The following KNDC1 variants were observed in gnomAD, a reference collection of about 807,000 sequenced individuals.
The protein encoded by KNDC1 is kinase non-catalytic C-lobe domain-containing protein 1.
In KNDC1, 106 loss-of-function variants were observed where a neutral mutation model predicts 172.8. That is an observed-to-expected ratio of 0.61 (90% CI 0.52 to 0.72). KNDC1 has a LOEUF of 0.72. Among genes scored for constraint, KNDC1 ranks in the 30% least tolerant of loss-of-function variants. KNDC1 has a pLI of 0.00. For missense variants in KNDC1, 2,325 were observed against 2,394.5 expected (o/e 0.97, Z 0.61); for synonymous variants, 1,083 against 1,062.2 (o/e 1.02, Z -0.38).
At chr10:133,220,871 G>T (rs535921457) in intron 29 of KNDC1, among the ~76,000 whole-genome samples, 2 of 151,924 alleles carry the variant, frequency 1.3e-5, no homozygotes, top group African/African-American at 2.4e-5. Context: ...TCAGATGGGC[G>T]CATGCCCAGG....
chr10:133,190,962 A>G (rs1295752598), intron 9 of KNDC1, among the ~76,000 whole-genome samples: 1 of 152,226 alleles, frequency 6.6e-6, no homozygotes, highest in Non-Finnish European at 1.5e-5. Flanking sequence ...AGGAACGAAA[A>G]TCGCTGGGAA....
intron 12 of KNDC1, among the ~76,000 whole-genome samples, chr10:133,198,109 G>A (rs1462325780): frequency 6.6e-6 from 1 of 152,142 alleles, no homozygotes; most frequent in Non-Finnish European, 1.5e-5. Context: ...GGCTTCTGGT[G>A]GGGCCTGGTC....
At chr10:133,191,160 G>A (rs1429747528) in intron 9 of KNDC1, among the ~76,000 whole-genome samples, 6 of 152,108 alleles carry the variant, frequency 3.9e-5, no homozygotes, top group Non-Finnish European at 5.9e-5. Context: ...GCAACATGGC[G>A]AAACCCCATC....
intron 3 of KNDC1, among the ~76,000 whole-genome samples, chr10:133,182,176 G>A (rs1006299258): frequency 2.0e-5 from 3 of 152,176 alleles, no homozygotes; most frequent in Non-Finnish European, 4.4e-5. Context: ...GGCTTTCTGT[G>A]AAGACTGGAT....
At position 133,186,541 on chromosome 10, in the gene KNDC1, CT is replaced by C; in HGVS notation, c.1195del (p.Ser399HisfsTer124). On this transcript the variant is annotated frameshift_variant, in exon 6 of 30. Coordinates refer to ENST00000304613, the MANE Select transcript of KNDC1 (RefSeq NM_152643.8). LOFTEE classifies it high-confidence loss of function. Reference sequence around the variant, plus strand: ...CCCGGCAGTCCAGGACAGCCCGAGACTTCACACCCCAGCCAGGGGCCAGCAG... The same window carrying C: ...CCCGGCAGTCCAGGACAGCCCGAGACTCACACCCCAGCCAGGGGCCAGCAG... ...GVPGSPGQPETSHPSQGPAEA... is the reference protein window; with the variant it reads ...GVPGSPGQPEXSHPSQGPAEA... 4 of 1,611,694 alleles carry C rather than the reference CT, an allele frequency of 2.5e-6. No homozygotes were observed. Among genetic ancestry groups the C allele is most frequent in the Non-Finnish European group, 3.4e-6 (4 of 1,179,882 alleles).
At chr10:133,196,741 GC>G (rs1589758076) in intron 10 of KNDC1, among the ~76,000 whole-genome samples, 1 of 152,190 alleles carries the variant, frequency 6.6e-6, no homozygotes, top group East Asian at 1.9e-4. Flanking sequence ...GTGGCCGGGG[GC>G]AGGGAGCGTG....
chr10:133,172,408 A>G (rs2135954595), intron 3 of KNDC1, among the ~76,000 whole-genome samples: 1 of 152,346 alleles, frequency 6.6e-6, no homozygotes, highest in African/African-American at 2.4e-5. Context: ...CTTACATAGA[A>G]AAACCTAAAT....
At chr10:133,183,322 T>C in intron 3 of KNDC1, 22 bp from the exon 4 acceptor site, 1 of 1,575,760 alleles carries the variant, frequency 6.3e-7, no homozygotes, top group South Asian at 1.1e-5. Context: ...ACTCTGGAGC[T>C]GACAGCCTGT....
At chr10:133,205,276 T>C (rs1408401419) in intron 17 of KNDC1, among the ~76,000 whole-genome samples, 1 of 152,140 alleles carries the variant, frequency 6.6e-6, no homozygotes, top group East Asian at 1.9e-4. Context: ...TCTCCCTGAA[T>C]GTAGAGTCCC....
rs191002915 is a variant in KNDC1 at position 133,183,285 on chromosome 10, C to T, written c.361-59C>T. ...GCTCCTGGCCCGGAGAAGTGCTGGC[C>T]GCGGTCGGGGTGGCGCACACGCAGA... On this transcript the variant is annotated intron_variant, in intron 3 of 29. Transcript: ENST00000304613. 1,994 of 1,491,428 alleles carry T rather than the reference C, an allele frequency of 1.3e-3. 24 individuals are homozygous for T. The African/African-American group carries it at 0.024, about 18-fold the overall frequency. 92.4% of individuals were successfully genotyped at this position (1,491,428 alleles called of 1,614,324 possible).
intron 12 of KNDC1, 39 bp from the exon 13 acceptor site, chr10:133,198,298 A>G (rs1589759257): frequency 3.3e-6 from 5 of 1,509,834 alleles, no homozygotes; most frequent in Non-Finnish European, 1.8e-6. Context: ...TGCTGGGGCC[A>G]CTCCGCCCGC....
intron 17 of KNDC1, among the ~76,000 whole-genome samples, chr10:133,203,035 G>C (rs1199849555): frequency 6.8e-6 from 1 of 148,002 alleles, no homozygotes; most frequent in East Asian, 2.0e-4. Flanking sequence ...CCAAACGCAT[G>C]GCGTCCAGCG....
Position 133,225,853 on chromosome 10 carries a change from C to G in KNDC1, c.*963C>G, listed in dbSNP as rs1047696440. 1 of 152,464 alleles carries G rather than the reference C, an allele frequency of 6.6e-6. No individual in the cohort carries two copies. Among genetic ancestry groups the G allele is most frequent in the African/African-American group, 2.4e-5 (1 of 41,466 alleles). 9.4% of individuals were successfully genotyped at this position (152,464 alleles called of 1,614,324 possible). The stretch of plus-strand genomic sequence containing the variant: ...CTTGCCCTTGCTCAGGTTCTTGGAC[C>G]CCAGGCAGCTGGTGTGGAGCCCCTT... On this transcript the variant is annotated 3_prime_UTR_variant, in exon 30 of 30. Transcript: ENST00000304613.
At chr10:133,181,535 G>A (rs544390770) in intron 3 of KNDC1, among the ~76,000 whole-genome samples, 34 of 152,332 alleles carry the variant, frequency 2.2e-4, no homozygotes, top group East Asian at 1.2e-3. Flanking sequence ...GCCAGCGGCC[G>A]GGGGCCTGGC....
At chr10:133,201,471 T>G (rs771410661) in intron 16 of KNDC1, 30 bp from the exon 17 acceptor site, 1 of 1,559,762 alleles carries the variant, frequency 6.4e-7, no homozygotes, top group Non-Finnish European at 8.6e-7. Context: ...GGAGCCACTG[T>G]CCACGTAACC....
At chr10:133,201,972 G>A (rs1334973824) in intron 17 of KNDC1, 74 bp downstream of exon 17, 9 of 1,456,980 alleles carry the variant, frequency 6.2e-6, no homozygotes, top group Non-Finnish European at 1.9e-6. Context: ...GTCACTGCAG[G>A]TGACAGATGG....
In KNDC1 at chr10:133,166,992, T is replaced by C. The variant is rs117823614; in HGVS notation, c.103-389T>C. Among the ~76,000 whole-genome samples, 284 of 152,288 alleles carry C rather than the reference T, an allele frequency of 1.9e-3. 6 individuals are homozygous for C. In the South Asian group the frequency reaches 0.038, roughly 20 times the overall value. On this transcript the variant is annotated intron_variant, in intron 1 of 29. Transcript: ENST00000304613. ...CTCTGCACGAGTCCACAGTTGGGGA[T>C]GTCCACTCCGTCGCCTCGCTCATCT... is the stretch of plus-strand genomic sequence containing the variant.
At chr10:133,183,188 G>A (rs1318770747) in intron 3 of KNDC1, among the ~76,000 whole-genome samples, 156 bp from the exon 4 acceptor site, 1 of 152,040 alleles carries the variant, frequency 6.6e-6, no homozygotes, top group Non-Finnish European at 1.5e-5. Context: ...GGGCGCGGGC[G>A]GCAAGGGTGT....
At position 133,198,780 on chromosome 10, in the gene KNDC1, C is replaced by T. The variant is rs1359217204; in HGVS notation, c.2272C>T (p.Arg758Cys). 2.5e-6 allele frequency: 4 copies of T among 1,585,850 alleles called. No homozygotes were observed. The highest frequency in any genetic ancestry group is 2.3e-5 in the East Asian group (1 of 43,480). The stretch of plus-strand genomic sequence containing the variant: ...AGTGCAGCGTGACTCAGCCCAGGGC[C>T]GCCCCTGCCCTCCACCCCAGGCCCC... ...ASVQRDSAQG[R>C]PCPPPQAPAN... Residue 758 changes from arginine (R) to cysteine (C), a missense_variant, in exon 14 of 30, where the codon CGC becomes TGC. Physicochemically the swap from Arg to Cys is radical, Grantham distance 180. Transcript: ENST00000304613.
Sources: gnomAD v4.1 joint callset for allele counts (sites outside exome capture counted in the v4.1 genomes callset) on GRCh38, gnomAD v4.1.1 for gene constraint, MANE v1.5 for transcripts, NCBI Gene and HGNC (gene_info 2026-07-23, HGNC 2026-07-21) for gene names.